Variants in FBXO11 observed in about 807,000 individuals in gnomAD.
The protein encoded by FBXO11 is F-box protein 11, also known as F-box only protein 11.
In FBXO11, 13 loss-of-function variants were observed where a neutral mutation model predicts 117.0. The ratio of observed to expected loss-of-function variants is 0.11; its 90% CI spans 0.07 to 0.18. The LOEUF (loss-of-function observed/expected upper bound fraction) is 0.18, where lower values mean the gene tolerates loss of function less well. Ranked by LOEUF, FBXO11 falls within the 10% of genes least tolerant of loss-of-function variation. FBXO11 has a pLI of 1.00. For synonymous variants in FBXO11, 490 were observed against 380.5 expected, an observed-to-expected ratio of 1.29 and a Z score of -3.35; for missense variants, 767 against 1,164.4, an observed-to-expected ratio of 0.66 and a Z score of 4.97.
chr2:47,812,767 G>A (rs1670715967), intron 18 of FBXO11: 1 of 202,034 alleles, frequency 4.9e-6, no homozygotes, highest in East Asian at 1.4e-4. Context: ...TCAATGCAAA[G>A]TGAGTTGACC....
intron 14 of FBXO11, 104 bp downstream of exon 14, chr2:47,820,258 T>C (rs1572778964): frequency 1.5e-6 from 1 of 670,732 alleles, no homozygotes. Context: ...CACAAATTCA[T>C]ACCTCAAAAG....
intron 4 of FBXO11, among the ~76,000 whole-genome samples, chr2:47,837,451 C>T (rs1009537573): frequency 2.0e-5 from 3 of 152,146 alleles, no homozygotes; most frequent in African/African-American, 7.2e-5. Context: ...TGCTTGAACC[C>T]GGGAGGCAGA....
At position 47,873,691 on chromosome 2, in the gene FBXO11, C is replaced by A. The variant is rs1332520582; in HGVS notation, c.232+31798G>T. The stretch of plus-strand genomic sequence containing the variant: ...TTTATTGGGTACACTAAGTTGCTAC[C>A]CATTCACTCACTTTTCAGTTTCCAA... On this transcript the variant is annotated intron_variant, in intron 1 of 22. Coordinates refer to ENST00000403359, the MANE Select transcript of FBXO11 (RefSeq NM_001190274.2). Among the ~76,000 whole-genome samples, 6 of 152,314 alleles carry A rather than the reference C, an allele frequency of 3.9e-5. No individual in the cohort carries two copies. In the East Asian group the frequency reaches 9.6e-4, roughly 24 times the overall value.
At position 47,806,981 on chromosome 2, in the gene FBXO11, TTAAAC is replaced by T; in HGVS notation, c.*1132_*1136del. 1.3e-6 allele frequency: 1 copy of T among 772,484 alleles called. No homozygotes were observed. The highest frequency in any genetic ancestry group is 2.2e-6 in the Non-Finnish European group (1 of 453,672). 47.9% of individuals were successfully genotyped at this position (772,484 alleles called of 1,614,324 possible). On this transcript the variant is annotated 3_prime_UTR_variant, in exon 23 of 23. Coordinates refer to ENST00000403359, the MANE Select transcript of FBXO11 (RefSeq NM_001190274.2). ...ATTTTTCCATTTTCTTTCTAGGAAA[TTAAAC>T]CCTTTTAATTCTTATCTACCTTCTA...
intron 1 of FBXO11, among the ~76,000 whole-genome samples, chr2:47,840,065 T>A (rs971221012): frequency 1.3e-5 from 2 of 151,818 alleles, no homozygotes; most frequent in Non-Finnish European, 2.9e-5. Context: ...TGCCTCAGCC[T>A]CCCGAGTAGC....
chr2:47,812,042 T>C (rs1278988356), intron 18 of FBXO11, among the ~76,000 whole-genome samples: 2 of 152,146 alleles, frequency 1.3e-5, no homozygotes, highest in Non-Finnish European at 2.9e-5. Flanking sequence ...TCTCTAATCT[T>C]GATTATTTCC....
chr2:47,902,061 G>C lies in FBXO11; in HGVS notation c.232+3428C>G, dbSNP rs370460511. Among the ~76,000 whole-genome samples the C allele has an allele frequency of 1.3e-4, 20 of 152,182 alleles. 1 individual carries two copies. The highest frequency in any genetic ancestry group is 1.1e-3 in the Admixed American group (17 of 15,272). ...AGCGATTCTCCTGCCTCAGCCTCCA[G>C]AGTAGCTGGGATTACAGGCGTGAGC... is the stretch of plus-strand genomic sequence containing the variant. On this transcript the variant is annotated intron_variant, in intron 1 of 22. Coordinates refer to ENST00000403359, the MANE Select transcript of FBXO11 (RefSeq NM_001190274.2).
At chr2:47,894,317 G>C (rs1031208229) in intron 1 of FBXO11, among the ~76,000 whole-genome samples, 2 of 152,110 alleles carry the variant, frequency 1.3e-5, no homozygotes, top group African/African-American at 4.8e-5. Context: ...TAAGCTTATT[G>C]TAAGACAATA....
rs902017043 is a variant in FBXO11 at position 47,901,164 on chromosome 2, T to C, written c.232+4325A>G. On this transcript the variant is annotated intron_variant, in intron 1 of 22. Transcript: ENST00000403359. ...ATACACACGTGTGTACATATATACA[T>C]ATATATGTATATATATGTGGGTACA... 4.0e-4 allele frequency among the ~76,000 whole-genome samples: 52 copies of C among 129,106 alleles called. 1 individual carries two copies. Among genetic ancestry groups the C allele is most frequent in the Non-Finnish European group, 8.1e-4 (46 of 57,004 alleles). 84.7% of individuals were successfully genotyped at this position (129,106 alleles called of 152,430 possible).
Position 47,833,065 on chromosome 2 carries a change from C to A in FBXO11, c.940G>T (p.Gly314Trp). Residue 314 changes from glycine (G) to tryptophan (W), a missense_variant, in exon 8 of 23, where the codon GGG (glycine) becomes TGG (tryptophan). Physicochemically the swap from Gly to Trp is radical, Grantham distance 184 (BLOSUM62 -2). Transcript: ENST00000403359. ...ATTATAACTTTGTCTGCCACTTTCC[C>A]AGGTGCTGTGGAGAAGATATTTTAA... ...SPITMIGAAP[G>W]KVADKVIIEN... 6.2e-7 allele frequency: 1 copy of A among 1,608,042 alleles called. No individual in the cohort carries two copies.
At chr2:47,808,496 TA>T (rs1361592898) in intron 21 of FBXO11, 69 bp from the exon 22 acceptor site, 205 of 1,123,764 alleles carry the variant, frequency 1.8e-4, no homozygotes, top group Non-Finnish European at 2.5e-4. Context: ...ATTCTGTTTA[TA>T]TATTACTATG....
chr2:47,856,995 T>C (rs1674345691), intron 1 of FBXO11, among the ~76,000 whole-genome samples: 2 of 152,162 alleles, frequency 1.3e-5, no homozygotes, highest in African/African-American at 2.4e-5. Flanking sequence ...CAGAAATCAA[T>C]AGACAATGTT....
chr2:47,887,208 C>G (rs190061998), intron 1 of FBXO11, among the ~76,000 whole-genome samples: 59 of 151,138 alleles, frequency 3.9e-4, no homozygotes, highest in Non-Finnish European at 6.5e-4. Flanking sequence ...TCACTTCAGC[C>G]CAGGAGGTGG....
At chr2:47,861,289 T>C (rs1172322355) in intron 1 of FBXO11, among the ~76,000 whole-genome samples, 1 of 152,058 alleles carries the variant, frequency 6.6e-6, no homozygotes, top group Non-Finnish European at 1.5e-5. Flanking sequence ...CTTCATAATA[T>C]TCATTCTATC....
At chr2:47,832,098 G>C (rs532942287) in intron 11 of FBXO11, among the ~76,000 whole-genome samples, 61 of 152,172 alleles carry the variant, frequency 4.0e-4, no homozygotes, top group Non-Finnish European at 7.9e-4. Context: ...CTTAATTAAC[G>C]AGTTATACCT....
At position 47,905,999 on chromosome 2, in the gene FBXO11, C is replaced by A. The variant is rs549068979; in HGVS notation, c.-279G>T. ...GCGGGGCGGCCGCGAGGGACGAAGG[C>A]AGAAAGACGGGCAGACCGAGAGAAA... On this transcript the variant is annotated 5_prime_UTR_variant, in exon 1 of 23. Transcript: ENST00000403359. The A allele has an allele frequency of 1.0e-3, 388 of 380,432 alleles. No individual in the cohort carries two copies. The highest frequency in any genetic ancestry group is 1.7e-3 in the Admixed American group (36 of 20,954). 23.6% of individuals were successfully genotyped at this position (380,432 alleles called of 1,614,324 possible).
chr2:47,825,840 G>A lies in FBXO11; in HGVS notation c.1399-2480C>T, dbSNP rs1423504665. 2.6e-5 allele frequency among the ~76,000 whole-genome samples: 4 copies of A among 152,116 alleles called. No homozygotes were observed. In the East Asian group the frequency reaches 7.7e-4, roughly 29 times the overall value. On this transcript the variant is annotated intron_variant, in intron 11 of 22. Transcript: ENST00000403359. ...AATCCTCCCGCCTTGGCCTCTCAAA[G>A]TGCTGGGATTACAGGTGTGAGCCAC... is the stretch of plus-strand genomic sequence containing the variant.
intron 1 of FBXO11, among the ~76,000 whole-genome samples, chr2:47,882,103 C>T (rs1676472991): frequency 1.3e-5 from 2 of 152,162 alleles, no homozygotes; most frequent in Non-Finnish European, 2.9e-5. Flanking sequence ...CCAATCATTT[C>T]CCCATGTCTA....
intron 1 of FBXO11, among the ~76,000 whole-genome samples, chr2:47,863,489 T>C (rs1674945585): frequency 6.6e-6 from 1 of 152,176 alleles, no homozygotes; most frequent in Admixed American, 6.5e-5. Flanking sequence ...TAAACTCTTC[T>C]TTAAAGAAAG....
Sources: gnomAD v4.1 joint callset for allele counts (sites outside exome capture counted in the v4.1 genomes callset) on GRCh38, gnomAD v4.1.1 for gene constraint, MANE v1.5 for transcripts, NCBI Gene and HGNC (gene_info 2026-07-23, HGNC 2026-07-21) for gene names.